The following KLF7 variants were observed in gnomAD, a reference collection of about 807,000 sequenced individuals.
KLF7 encodes Krueppel-like factor 7.
In KLF7, 2 loss-of-function variants were observed where a neutral mutation model predicts 27.3. The observed-to-expected ratio is 0.07, with a 90% CI of 0.03 to 0.23. The LOEUF (loss-of-function observed/expected upper bound fraction) is 0.23. Among genes scored for constraint, KLF7 ranks in the 10% least tolerant of loss-of-function variants. KLF7 has a pLI of 1.00. For synonymous variants in KLF7, 165 were observed against 162.4 expected (o/e 1.02, Z -0.12); for missense variants, 221 against 394.1 (o/e 0.56, Z 3.72).
intron 1 of KLF7, among the ~76,000 whole-genome samples, chr2:207,132,200 T>C (rs773887801): frequency 1.3e-5 from 2 of 152,052 alleles, no homozygotes; most frequent in Non-Finnish European, 2.9e-5. Context: ...CCCACAACAA[T>C]AGCACACCCC....
chr2:207,085,606 T>C (rs1328079521), intron 3 of KLF7, among the ~76,000 whole-genome samples: 5 of 152,182 alleles, frequency 3.3e-5, no homozygotes, highest in African/African-American at 9.6e-5. Flanking sequence ...CAAAACCCAG[T>C]GTCTGCAAGG....
chr2:207,143,071 A>G (rs1559157255), intron 1 of KLF7, among the ~76,000 whole-genome samples: 2 of 152,234 alleles, frequency 1.3e-5, no homozygotes, highest in East Asian at 1.9e-4. Flanking sequence ...TCTTTTTCAG[A>G]CTGATACTCC....
intron 3 of KLF7, among the ~76,000 whole-genome samples, chr2:207,086,491 T>C (rs2076392151): frequency 6.6e-6 from 1 of 152,254 alleles, no homozygotes; most frequent in South Asian, 2.1e-4. Flanking sequence ...AAATACCATG[T>C]TGCAGAATTT....
intron 2 of KLF7, among the ~76,000 whole-genome samples, chr2:207,094,200 G>T (rs747818746): frequency 1.3e-5 from 2 of 152,178 alleles, no homozygotes; most frequent in African/African-American, 2.4e-5. Flanking sequence ...TGCACTCAAG[G>T]TTTAAAATCT....
At chr2:207,122,414 A>C (rs1021317373) in intron 2 of KLF7, among the ~76,000 whole-genome samples, 1 of 152,170 alleles carries the variant, frequency 6.6e-6, no homozygotes, top group Admixed American at 6.5e-5. Context: ...AATAACTCTA[A>C]GGTTCATAAC....
At chr2:207,115,487 GGAGT>G (rs1208416286) in intron 2 of KLF7, among the ~76,000 whole-genome samples, 3 of 152,346 alleles carry the variant, frequency 2.0e-5, no homozygotes, top group Admixed American at 1.3e-4. Context: ...GGACACTGCA[GGAGT>G]GAGAAGTAAC....
intron 1 of KLF7, among the ~76,000 whole-genome samples, chr2:207,162,056 G>C (rs2078564516): frequency 6.6e-6 from 1 of 152,202 alleles, no homozygotes; most frequent in South Asian, 2.1e-4. Context: ...CTGCACTCAT[G>C]AAATAGCAGA....
intron 2 of KLF7, among the ~76,000 whole-genome samples, chr2:207,116,371 T>TA (rs2077188317): frequency 6.6e-6 from 1 of 152,232 alleles, no homozygotes; most frequent in Non-Finnish European, 1.5e-5. Flanking sequence ...TTAATTTTTT[T>TA]AAAAAGAGGA....
chr2:207,166,181 G>A (rs945198460), upstream of KLF7: 35 of 985,876 alleles, frequency 3.6e-5, no homozygotes, highest in Non-Finnish European at 4.1e-5. Flanking sequence ...CCATTAGGCC[G>A]CGTGTGACCA....
At chr2:207,151,055 G>A (rs2078231314) in intron 1 of KLF7, among the ~76,000 whole-genome samples, 1 of 150,352 alleles carries the variant, frequency 6.7e-6, no homozygotes, top group Non-Finnish European at 1.5e-5. Flanking sequence ...GAAAAGGAGG[G>A]GTGAGGAGAG....
At position 207,165,645 on chromosome 2, in the gene KLF7, T is replaced by G. The variant is rs2078684888; in HGVS notation, c.-77A>C. The G allele has an allele frequency of 3.1e-6, 5 of 1,601,160 alleles. No individual in the cohort carries two copies. Among genetic ancestry groups the G allele is most frequent in the Non-Finnish European group, 3.4e-6 (4 of 1,173,596 alleles). The stretch of plus-strand genomic sequence containing the variant: ...GGGGCTGTTTGTTTGTCAGTCTGTC[T>G]GGCTCACCCCCCAAGAAGGCAGACA... On this transcript the variant is annotated 5_prime_UTR_variant, in exon 1 of 4. Coordinates refer to ENST00000309446, the MANE Select transcript of KLF7 (RefSeq NM_003709.4).
intron 2 of KLF7, 54 bp downstream of exon 2, chr2:207,123,720 C>T (rs548604482): frequency 1.0e-4 from 162 of 1,549,800 alleles, no homozygotes; most frequent in Admixed American, 1.5e-4. Flanking sequence ...TCCCACATGA[C>T]GAGGCTACAG....
rs1168024531 is a variant in KLF7 at position 207,124,136 on chromosome 2, G to T, written c.371C>A (p.Ala124Asp). Residue 124 changes from alanine (A) to aspartate (D), a missense_variant, in exon 2 of 4, where the codon GCC (alanine) becomes GAC (aspartate). Around this residue, in one of 3 missense-constraint regions of KLF7, gnomAD observed 180 missense variants for 227.9 expected, o/e 0.79. Coordinates refer to ENST00000309446, the MANE Select transcript of KLF7 (RefSeq NM_003709.4). ...TGCGTTGAGCTGGGCCTGGTTGACG[G>T]CTGTGTAGCTGTCTAGAGAAGAGCT... ...PASSSLDSYTAVNQAQLNAVT... is the reference protein window; with the variant it reads ...PASSSLDSYTDVNQAQLNAVT... 1.9e-6 allele frequency: 3 copies of T among 1,614,050 alleles called. No homozygotes were observed. The highest frequency in any genetic ancestry group is 1.7e-6 in the Non-Finnish European group (2 of 1,180,038).
chr2:207,143,540 G>A (rs1349860807), intron 1 of KLF7, among the ~76,000 whole-genome samples: 2 of 152,122 alleles, frequency 1.3e-5, no homozygotes, highest in African/African-American at 2.4e-5. Context: ...CTCTGTTGAT[G>A]TTTTTCTGGC....
intron 1 of KLF7, among the ~76,000 whole-genome samples, chr2:207,157,688 C>T (rs1048451941): frequency 2.9e-4 from 44 of 152,160 alleles, no homozygotes; most frequent in African/African-American, 9.7e-4. Context: ...TGTGGCAAGG[C>T]AATGGCCAAG....
chr2:207,084,736 A>C (rs2076347765), intron 3 of KLF7, among the ~76,000 whole-genome samples: 2 of 152,222 alleles, frequency 1.3e-5, no homozygotes, highest in South Asian at 4.1e-4. Flanking sequence ...TAATTTTAAG[A>C]GTAATATACC....
intron 2 of KLF7, among the ~76,000 whole-genome samples, chr2:207,103,966 A>T: frequency 6.6e-6 from 1 of 152,240 alleles, no homozygotes; most frequent in East Asian, 1.9e-4. Flanking sequence ...AAGAGCCTGC[A>T]ATCACCTGAT....
At chr2:207,139,022 T>C (rs1211321819) in intron 1 of KLF7, among the ~76,000 whole-genome samples, 1 of 152,224 alleles carries the variant, frequency 6.6e-6, no homozygotes, top group Non-Finnish European at 1.5e-5. Flanking sequence ...ACTATGTGAA[T>C]GAGAGGATCC....
At chr2:207,111,074 T>C (rs1479205025) in intron 2 of KLF7, among the ~76,000 whole-genome samples, 1 of 152,114 alleles carries the variant, frequency 6.6e-6, no homozygotes, top group African/African-American at 2.4e-5. Context: ...GAAAAATGTC[T>C]CCAGACATTG....
Sources: allele counts gnomAD v4.1 joint callset (sites outside exome capture counted in the v4.1 genomes callset), GRCh38; gene constraint gnomAD v4.1.1; regional missense constraint gnomAD v4.1.1; transcripts MANE v1.5; gene names NCBI Gene and HGNC (gene_info 2026-07-23, HGNC 2026-07-21).